TERF1: variants seen among roughly 807,000 people sequenced by gnomAD.
The protein encoded by TERF1 is telomeric repeat-binding factor 1.
TERF1 carries 20 observed loss-of-function variants against 55.1 expected under a neutral mutation model. That is an observed-to-expected ratio of 0.36 (90% CI 0.26 to 0.53). The LOEUF is 0.53. TERF1 is among the 20% of genes least tolerant of loss of function. TERF1 has a pLI of 0.91. For missense variants in TERF1, 439 were observed against 535.7 expected, an observed-to-expected ratio of 0.82 and a Z score of 1.78; for synonymous variants, 168 against 181.2, an observed-to-expected ratio of 0.93 and a Z score of 0.59.
chr8:73,025,754 C>CAAAAA (rs35028162), intron 5 of TERF1, among the ~76,000 whole-genome samples: 3 of 47,262 alleles, frequency 6.3e-5, no homozygotes, highest in Non-Finnish European at 1.1e-4. Flanking sequence ...GACTCTGTCT[C>CAAAAA]AAAAAAAAAA....
chr8:73,031,252 A>C (rs1277214934), intron 7 of TERF1: 2 of 152,224 alleles, frequency 1.3e-5, no homozygotes, highest in African/African-American at 4.8e-5. Context: ...GGAGAGAAAC[A>C]TTGTCCCCAG....
chr8:73,036,817 G>A (rs1364767127), intron 8 of TERF1, among the ~76,000 whole-genome samples: 1 of 134,918 alleles, frequency 7.4e-6, no homozygotes, highest in Non-Finnish European at 1.6e-5. Flanking sequence ...TATTATTGTA[G>A]TTATATATAA....
chr8:73,009,303 G>GTCGGGAGAGAGC, intron 1 of TERF1, 98 bp downstream of exon 1: 1 of 1,238,262 alleles, frequency 8.1e-7, no homozygotes. Flanking sequence ...GCCGAGGGAG[G>GTCGGGAGAGAGC]GGCTGCTGCG....
At chr8:73,015,557 G>C (rs1424568340) in intron 2 of TERF1, among the ~76,000 whole-genome samples, 1 of 152,054 alleles carries the variant, frequency 6.6e-6, no homozygotes, top group Non-Finnish European at 1.5e-5. Context: ...TAAAAAATTG[G>C]CTGGGCGTGG....
At chr8:73,029,932 C>G (rs1248106379) in intron 6 of TERF1, 2 of 154,020 alleles carry the variant, frequency 1.3e-5, no homozygotes, top group African/African-American at 4.8e-5. Context: ...CAATTGGAGA[C>G]TGGTGGGGAG....
intron 4 of TERF1, among the ~76,000 whole-genome samples, chr8:73,024,251 C>T (rs1808887346): frequency 6.6e-6 from 1 of 152,144 alleles, no homozygotes; most frequent in Non-Finnish European, 1.5e-5. Flanking sequence ...TAGTACTTTA[C>T]AATGGCAAAA....
At chr8:73,028,274 T>C (rs371715452) in intron 6 of TERF1, among the ~76,000 whole-genome samples, 3 of 152,162 alleles carry the variant, frequency 2.0e-5, no homozygotes, top group South Asian at 4.1e-4. Flanking sequence ...AATCCATGTG[T>C]ACCAAACAGA....
intron 8 of TERF1, among the ~76,000 whole-genome samples, chr8:73,033,764 A>C (rs1429313277): frequency 6.6e-6 from 1 of 152,180 alleles, no homozygotes; most frequent in Non-Finnish European, 1.5e-5. Flanking sequence ...ACTCTTTGCA[A>C]ACTGGCTTGA....
At position 73,046,957 on chromosome 8, in the gene TERF1, T is replaced by A. The variant is rs544103048; in HGVS notation, c.*820T>A. The stretch of plus-strand genomic sequence containing the variant: ...CATGACATACTTTTGCTTTCAGTAG[T>A]TTCATGTAAAGAAAAAAACTTGAAA... On this transcript the variant is annotated 3_prime_UTR_variant, in exon 10 of 10. Transcript: ENST00000276603. 6.6e-6 allele frequency: 1 copy of A among 152,228 alleles called. No individual in the cohort carries two copies. Among genetic ancestry groups the A allele is most frequent in the South Asian group, 2.1e-4 (1 of 4,818 alleles). The allele number at this position is 152,228 out of a possible 1,614,324, so 9.4% of individuals were successfully genotyped here.
intron 2 of TERF1, among the ~76,000 whole-genome samples, chr8:73,015,837 A>T (rs1199685298): frequency 2.6e-5 from 4 of 152,192 alleles, no homozygotes; most frequent in Non-Finnish European, 5.9e-5. Context: ...GAAATTTAGA[A>T]ATTCCCATTC....
chr8:73,038,674 T>A, intron 8 of TERF1: 1 of 654,760 alleles, frequency 1.5e-6, no homozygotes, highest in Non-Finnish European at 1.9e-6. Context: ...CAATTATCAT[T>A]TTTCAGTAAT....
intron 1 of TERF1, chr8:73,011,712 A>C (rs1003104297): frequency 1.6e-4 from 24 of 152,492 alleles, no homozygotes; most frequent in African/African-American, 5.8e-4. Context: ...ATGAACCAAC[A>C]ACCTCTGCTA....
Position 73,045,798 on chromosome 8 carries a change from C to T in TERF1, c.1144-163C>T, listed in dbSNP as rs3863242. 0.39 allele frequency among the ~76,000 whole-genome samples: 59,327 copies of T among 151,990 alleles called. 12,238 individuals are homozygous for T. Among genetic ancestry groups the T allele is most frequent in the Non-Finnish European group, 0.46 (31,117 of 67,946 alleles). On this transcript the variant is annotated intron_variant, in intron 9 of 9. Coordinates refer to ENST00000276603, the MANE Select transcript of TERF1 (RefSeq NM_017489.3). ...ATAATAATGACCCCTAAAAATGTTA[C>T]GATAAATGTAAAATCTTTTAAAAAT...
chr8:73,017,657 C>T (rs1298851244), intron 2 of TERF1, among the ~76,000 whole-genome samples: 1 of 151,626 alleles, frequency 6.6e-6, no homozygotes, highest in Non-Finnish European at 1.5e-5. Context: ...CTAGACTCTG[C>T]TTGAGAATTT....
At chr8:73,043,468 G>T (rs1223344230) in intron 9 of TERF1, 1 of 152,054 alleles carries the variant, frequency 6.6e-6, no homozygotes, top group Non-Finnish European at 1.5e-5. Context: ...TTTCTATAAA[G>T]AGCAAGATTT....
intron 6 of TERF1, chr8:73,029,869 G>C (rs1248347881): frequency 6.6e-6 from 1 of 152,388 alleles, no homozygotes; most frequent in Non-Finnish European, 1.5e-5. Context: ...CTGTGTGTAT[G>C]TGGAAACCAT....
At chr8:73,039,064 C>CT (rs1809722494) in intron 8 of TERF1, 52 bp from the exon 9 acceptor site, 4 of 1,190,368 alleles carry the variant, frequency 3.4e-6, no homozygotes, top group Admixed American at 5.2e-5. Flanking sequence ...TATAATTGCT[C>CT]TTTTTTCTTT....
rs894413873 is a variant in TERF1, at chr8:73,046,188, C to T, written c.*51C>T. The T allele has an allele frequency of 9.2e-6, 13 of 1,409,220 alleles. No individual in the cohort carries two copies. Among genetic ancestry groups the T allele is most frequent in the Non-Finnish European group, 1.2e-5 (13 of 1,061,766 alleles). 87.3% of individuals were successfully genotyped at this position (1,409,220 alleles called of 1,614,324 possible). A position where few individuals can be genotyped will look rare whatever the true frequency, so the allele number is the denominator to read the frequency against. On this transcript the variant is annotated 3_prime_UTR_variant, in exon 10 of 10. Transcript: ENST00000276603. ...GGACAGTTAAGTATTTTGATCACTG[C>T]ATTTTGTTTGAAACTTGTGTCATTG...
chr8:73,031,186 C>G (rs1809265871), intron 7 of TERF1: 2 of 152,142 alleles, frequency 1.3e-5, no homozygotes, highest in Non-Finnish European at 2.9e-5. Flanking sequence ...CTCTGGAGTC[C>G]TATAGTTTAT....
Sources: allele counts gnomAD v4.1 joint callset (sites outside exome capture counted in the v4.1 genomes callset), GRCh38; gene constraint gnomAD v4.1.1; transcripts MANE v1.5; gene names NCBI Gene and HGNC (gene_info 2026-07-23, HGNC 2026-07-21).